Variants in MEGF8 observed in about 807,000 individuals in gnomAD.
The protein encoded by MEGF8 is multiple EGF like domains 8, also known as multiple epidermal growth factor-like domains protein 8.
MEGF8 carries 156 observed loss-of-function variants against 302.9 expected under a neutral mutation model. That is an observed-to-expected ratio of 0.52 (90% CI 0.45 to 0.59). MEGF8 has a LOEUF of 0.59. MEGF8 is among the 20% of genes least tolerant of loss of function. MEGF8 has a pLI of 0.00. For synonymous variants in MEGF8, 1,621 were observed against 1,660.5 expected (o/e 0.98, Z 0.58); for missense variants, 3,345 against 3,964.5 (o/e 0.84, Z 4.20).
At position 42,375,593 on chromosome 19, in the gene MEGF8, C is replaced by T. The variant is rs1269764987; in HGVS notation, c.7356C>T (p.Cys2452=). The T allele has an allele frequency of 1.9e-6, 3 of 1,594,536 alleles. No individual in the cohort carries two copies. Among genetic ancestry groups the T allele is most frequent in the East Asian group, 2.3e-5 (1 of 43,912 alleles). The change falls in exon 42 of 42, where the codon TGC becomes TGT. Residue 2452 remains cysteine (C), a synonymous_variant. Coordinates refer to ENST00000251268, the MANE Select transcript of MEGF8 (RefSeq NM_001271938.2). This position sits in a 1 kb window ranked among gnomAD's most constrained non-coding sequence, Gnocchi z 7.1. ...TCATCTCGGTGGAGCAGGAGTGCTG[C>T]CTGGACCCCACGTCCCAGACCAACT... ...YRLISVEQEC[C]LDPTSQTNCF... is the part of the protein sequence containing the mutation.
At chr19:42,329,013 CAG>C (rs1312428304) in intron 1 of MEGF8, among the ~76,000 whole-genome samples, 2 of 152,050 alleles carry the variant, frequency 1.3e-5, no homozygotes, top group East Asian at 1.9e-4. Flanking sequence ...CTGCAGATAA[CAG>C]AGCAGGAGCC....
At chr19:42,341,067 G>A (rs1241708584) in intron 8 of MEGF8, among the ~76,000 whole-genome samples, 1 of 152,132 alleles carries the variant, frequency 6.6e-6, no homozygotes, top group Non-Finnish European at 1.5e-5. Flanking sequence ...CCGGGCTCAA[G>A]CAGTCCTCCC....
rs1002647201 is a variant in MEGF8, at chr19:42,355,612, G to A, written c.4145-146G>A. On this transcript the variant is annotated intron_variant, in intron 23 of 41. Transcript: ENST00000251268. ...CTTGATGGGTTGGCTGAGGGAGGGGGTGCAGAATGGTTCATCCTGGCGATG... is the reference window on the plus strand; with the variant it reads ...CTTGATGGGTTGGCTGAGGGAGGGGATGCAGAATGGTTCATCCTGGCGATG... The A allele has an allele frequency of 2.5e-6, 3 of 1,188,216 alleles. 1 individual carries two copies. The highest frequency in any genetic ancestry group is 3.3e-5 in the South Asian group (2 of 60,114). 73.6% of individuals were successfully genotyped at this position (1,188,216 alleles called of 1,614,324 possible). A position where few individuals can be genotyped will look rare whatever the true frequency, so the allele number is the denominator to read the frequency against.
At chr19:42,345,430 G>A (rs1232834579) in intron 12 of MEGF8, among the ~76,000 whole-genome samples, 4 of 152,176 alleles carry the variant, frequency 2.6e-5, no homozygotes, top group African/African-American at 9.7e-5. Context: ...GACTCACTAA[G>A]TAGTCACTCT....
At chr19:42,335,442 G>T in intron 5 of MEGF8, 57 bp downstream of exon 5, 2 of 1,543,204 alleles carry the variant, frequency 1.3e-6, no homozygotes, top group Non-Finnish European at 1.8e-6. Context: ...ACCCAGCCGG[G>T]GACCCCCGGA....
intron 40 of MEGF8, 75 bp downstream of exon 40, chr19:42,370,906 G>GC: frequency 1.8e-6 from 1 of 548,814 alleles, no homozygotes; most frequent in South Asian, 1.7e-5. Context: ...ACTGGGAGTA[G>GC]CTCTGGAGCC....
rs554973700 is a variant in MEGF8 at position 42,376,673 on chromosome 19, G to A, written c.8436G>A (p.Glu2812=). The part of the protein sequence containing the change: ...ALVTLRHRLH[E]YCGGGGGAGG... ...TCACACTGCGGCACAGGCTGCACGA[G>A]TACTGTGGGGGTGGTGGGGGTGCTG... Residue 2812 remains glutamate, a synonymous_variant, in exon 42 of 42, where the codon GAG becomes GAA. Coordinates refer to ENST00000251268, the MANE Select transcript of MEGF8 (RefSeq NM_001271938.2). The surrounding 1 kb of genome is among the most constrained non-coding windows in gnomAD (Gnocchi z 8.2). The A allele has an allele frequency of 3.3e-6, 5 of 1,528,100 alleles. No individual in the cohort carries two copies. The highest frequency in any genetic ancestry group is 4.4e-6 in the Non-Finnish European group (5 of 1,138,014). 94.7% of individuals were successfully genotyped at this position (1,528,100 alleles called of 1,614,324 possible).
Position 42,369,450 on chromosome 19 carries a change from GT to G in MEGF8, c.6642-80del. On this transcript the variant is annotated intron_variant, in intron 37 of 41. Coordinates refer to ENST00000251268, the MANE Select transcript of MEGF8 (RefSeq NM_001271938.2). This position sits in a 1 kb window ranked among gnomAD's most constrained non-coding sequence, Gnocchi z 5.7. ...GGATGAGCAACCAGTTGAGAAGAGG[GT>G]GGGGTAGTTGGTTGGGTGCTAGGCC... is the stretch of plus-strand genomic sequence containing the variant. The G allele has an allele frequency of 7.1e-7, 1 of 1,417,690 alleles. No homozygotes were observed. The highest frequency in any genetic ancestry group is 2.6e-4 in the Middle Eastern group (1 of 3,918). 87.8% of individuals were successfully genotyped at this position (1,417,690 alleles called of 1,614,324 possible).
rs565566649 is a variant in MEGF8 at position 42,356,497 on chromosome 19, G to A, written c.4622+44G>A. ...AGGTGGGATTCGCAAATAAGAGAAG[G>A]TCACCTCGGGATGCTAAGAGTCACC... On this transcript the variant is annotated intron_variant, in intron 26 of 41. Coordinates refer to ENST00000251268, the MANE Select transcript of MEGF8 (RefSeq NM_001271938.2). This position sits in a 1 kb window ranked among gnomAD's most constrained non-coding sequence, Gnocchi z 5.2. 96 of 1,444,182 alleles carry A rather than the reference G, an allele frequency of 6.6e-5. No individual in the cohort carries two copies. The South Asian group carries it at 1.2e-3, about 18-fold the overall frequency. The allele number at this position is 1,444,182 out of a possible 1,614,324, so 89.5% of individuals were successfully genotyped here.
rs1191951777 is a variant in MEGF8 at position 42,368,478 on chromosome 19, C to T, written c.6297C>T (p.Pro2099=). The T allele has an allele frequency of 1.9e-6, 3 of 1,609,772 alleles. No homozygotes were observed. Among genetic ancestry groups the T allele is most frequent in the South Asian group, 2.2e-5 (2 of 90,124 alleles). ...LQQCLSPSYL[P]LRCMAGGCGR... is the part of the protein sequence containing the mutation. ...AGTGTCTGAGCCCTTCCTACCTGCC[C>T]CTGCGATGTATGGCCGGAGGCTGTG... is the stretch of plus-strand genomic sequence containing the variant. Residue 2099 remains proline, a synonymous_variant, in exon 36 of 42, where the codon CCC becomes CCT. Coordinates refer to ENST00000251268, the MANE Select transcript of MEGF8 (RefSeq NM_001271938.2). This position sits in a 1 kb window ranked among gnomAD's most constrained non-coding sequence, Gnocchi z 4.9.
At position 42,353,765 on chromosome 19, in the gene MEGF8, A is replaced by G. The variant is rs1160602326; in HGVS notation, c.3762-10A>G. ...ACTGGTCTGACACTGGCTCTTCTCC[A>G]TCTCCCCAGGGCCGGTGGTTCCTGC... On this transcript the variant is annotated splice_polypyrimidine_tract_variant and intron_variant, in intron 21 of 41. Transcript: ENST00000251268. The surrounding 1 kb of genome is among the most constrained non-coding windows in gnomAD (Gnocchi z 6.1). The G allele has an allele frequency of 1.3e-6, 2 of 1,586,590 alleles. No individual in the cohort carries two copies. The highest frequency in any genetic ancestry group is 1.7e-6 in the Non-Finnish European group (2 of 1,162,204).
chr19:42,351,936 T>C lies in MEGF8; in HGVS notation c.3101+175T>C, dbSNP rs1363030166. ...CCTCCCGCTCTTTTTTCTCCATTTT[T>C]CCTCCTTTTCCGGCTCTCTGCGATT... On this transcript the variant is annotated intron_variant, in intron 18 of 41. Transcript: ENST00000251268. The surrounding 1 kb of genome is among the most constrained non-coding windows in gnomAD (Gnocchi z 5.6). Among the ~76,000 whole-genome samples, 1 of 152,164 alleles carries C rather than the reference T, an allele frequency of 6.6e-6. No homozygotes were observed. Among genetic ancestry groups the C allele is most frequent in the African/African-American group, 2.4e-5 (1 of 41,436 alleles).
chr19:42,349,793 C>G, intron 14 of MEGF8, 94 bp downstream of exon 14: 1 of 1,349,624 alleles, frequency 7.4e-7, no homozygotes, highest in Admixed American at 1.9e-5. Context: ...CTCTGAAATC[C>G]CTAGATTCTG....
intron 5 of MEGF8, 137 bp from the exon 6 acceptor site, chr19:42,335,794 G>A (rs2039119266): frequency 1.6e-5 from 12 of 760,980 alleles, no homozygotes; most frequent in African/African-American, 3.5e-5. Context: ...TCTCTCTGCC[G>A]GTCTCTGCCT....
In MEGF8 at chr19:42,369,407, A is replaced by G; in HGVS notation, c.6642-124A>G. The G allele has an allele frequency of 1.1e-6, 1 of 949,110 alleles. No individual in the cohort carries two copies. Among genetic ancestry groups the G allele is most frequent in the Non-Finnish European group, 1.6e-6 (1 of 643,410 alleles). The allele number at this position is 949,110 out of a possible 1,614,324, so 58.8% of individuals were successfully genotyped here. On this transcript the variant is annotated intron_variant, in intron 37 of 41. Transcript: ENST00000251268. This position sits in a 1 kb window ranked among gnomAD's most constrained non-coding sequence, Gnocchi z 5.7. ...GTGGGCTAGATCCTGAAGAGAAGAT[A>G]GCAACGGGACAGAGCAGGGATGAGC...
At chr19:42,334,573 A>G (rs1173575440) in intron 3 of MEGF8, among the ~76,000 whole-genome samples, 1 of 151,802 alleles carries the variant, frequency 6.6e-6, no homozygotes, top group Non-Finnish European at 1.5e-5. Context: ...CACTGACCTT[A>G]CGCCGAAGCT....
chr19:42,359,105 C>A lies in MEGF8; in HGVS notation c.5351C>A (p.Pro1784His). ...EISPHLKEPR[P>H]RLFHASALLG... ...CCCCCGTCTCCCCAACAGCCCCGCCCCCGGCTTTTCCACGCCTCAGCCCTG... is the reference window on the plus strand; with the variant it reads ...CCCCCGTCTCCCCAACAGCCCCGCCACCGGCTTTTCCACGCCTCAGCCCTG... The change falls in exon 31 of 42, where the codon CCC (proline) becomes CAC (histidine). Residue 1784 changes from proline (P) to histidine (H), a missense_variant. By Grantham distance (77) the Pro-to-His change is moderately conservative. Transcript: ENST00000251268. 1 of 1,533,794 alleles carries A rather than the reference C, an allele frequency of 6.5e-7. No homozygotes were observed. Among genetic ancestry groups the A allele is most frequent in the East Asian group, 2.4e-5 (1 of 41,854 alleles).
Position 42,375,543 on chromosome 19 carries a change from C to A in MEGF8, c.7306C>A (p.Leu2436Met), listed in dbSNP as rs1198291243. ...CCGGGAATCATTTCACGGGAGTCCG[C>A]TGGGCGGCCAGCAGTGCTACCGCCT... ...KCRESFHGSPLGGQQCYRLIS... is the reference protein window; with the variant it reads ...KCRESFHGSPMGGQQCYRLIS... The change falls in exon 42 of 42, where the codon CTG (leucine) becomes ATG (methionine). Residue 2436 changes from leucine to methionine, a missense_variant. Physicochemically the swap from Leu to Met is conservative, Grantham distance 15 (BLOSUM62 2). Transcript: ENST00000251268. The surrounding 1 kb of genome is among the most constrained non-coding windows in gnomAD (Gnocchi z 7.1). The A allele has an allele frequency of 1.3e-6, 2 of 1,592,362 alleles. No individual in the cohort carries two copies. Among genetic ancestry groups the A allele is most frequent in the Non-Finnish European group, 1.7e-6 (2 of 1,170,396 alleles).
Position 42,359,879 on chromosome 19 carries a change from G to C in MEGF8, c.5488+637G>C, listed in dbSNP as rs567094663. Among the ~76,000 whole-genome samples, 120 of 108,556 alleles carry C rather than the reference G, an allele frequency of 1.1e-3. 1 individual carries two copies. The highest frequency in any genetic ancestry group is 4.3e-3 in the African/African-American group (113 of 26,162). The allele number at this position is 108,556 out of a possible 152,430, so 71.2% of individuals were successfully genotyped here. A position where few individuals can be genotyped will look rare whatever the true frequency, so the allele number is the denominator to read the frequency against. Reference sequence around the variant, plus strand: ...TTTTTTTTTTTTTTTTTTTTTTGTAGAGACAGGGTTTTGCTATGTTGCCCA... The same window carrying C: ...TTTTTTTTTTTTTTTTTTTTTTGTACAGACAGGGTTTTGCTATGTTGCCCA... On this transcript the variant is annotated intron_variant, in intron 31 of 41. Transcript: ENST00000251268.
Sources: gnomAD v4.1 joint callset for allele counts (sites outside exome capture counted in the v4.1 genomes callset) on GRCh38, gnomAD v4.1.1 for gene constraint, Gnocchi (gnomAD v3.1) non-coding constraint, MANE v1.5 for transcripts, NCBI Gene and HGNC (gene_info 2026-07-23, HGNC 2026-07-21) for gene names.